The following HACD2 variants were observed in gnomAD, a reference collection of about 807,000 sequenced individuals.
HACD2 encodes very-long-chain (3R)-3-hydroxyacyl-CoA dehydratase 2.
A neutral mutation model predicts 31.0 loss-of-function variants in HACD2; 15 were observed. The observed-to-expected ratio is 0.48, with a 90% CI of 0.32 to 0.75. HACD2 has a LOEUF of 0.75. Among genes scored for constraint, HACD2 ranks in the 30% least tolerant of loss-of-function variants. HACD2 has a pLI of 0.03. For missense variants in HACD2, 283 were observed against 313.0 expected (o/e 0.90, Z 0.72); for synonymous variants, 115 against 122.2 (o/e 0.94, Z 0.39).
intron 4 of HACD2, among the ~76,000 whole-genome samples, chr3:123,506,388 T>C (rs2055975854): frequency 6.6e-6 from 1 of 152,174 alleles, no homozygotes; most frequent in African/African-American, 2.4e-5. Flanking sequence ...TTAAATTGGA[T>C]GATAACTTAT....
At chr3:123,576,449 T>C (rs1471599210) in intron 2 of HACD2, among the ~76,000 whole-genome samples, 1 of 152,204 alleles carries the variant, frequency 6.6e-6, no homozygotes, top group Non-Finnish European at 1.5e-5. Flanking sequence ...AGAGTTTTCC[T>C]CTGGTTTTCA....
At chr3:123,577,326 T>C (rs6763301) in intron 2 of HACD2, among the ~76,000 whole-genome samples, 37,892 of 152,024 alleles carry the variant, frequency 0.25, 6,382 homozygotes, top group East Asian at 0.6. Context: ...TCATGAGTAT[T>C]TGAAAGTGTC....
At chr3:123,496,806 T>A (rs961064813) in intron 6 of HACD2, among the ~76,000 whole-genome samples, 7 of 152,206 alleles carry the variant, frequency 4.6e-5, no homozygotes, top group African/African-American at 1.4e-4. Context: ...CTGGTTGCAT[T>A]TGTGTTCACA....
rs369946013 is a variant in HACD2, at chr3:123,521,998, T to C, written c.381+6388A>G. ...AAGACAACAGGAGAAAGATGCAACA[T>C]GGGATGACAGAAGTGAGCCCACTCT... On this transcript the variant is annotated intron_variant, in intron 4 of 6. Coordinates refer to ENST00000383657, the MANE Select transcript of HACD2 (RefSeq NM_198402.5). Among the ~76,000 whole-genome samples, 24 of 152,184 alleles carry C rather than the reference T, an allele frequency of 1.6e-4. No individual in the cohort carries two copies. In the South Asian group the frequency reaches 5.0e-3, roughly 32 times the overall value.
At chr3:123,519,699 C>T (rs1159597222) in intron 4 of HACD2, among the ~76,000 whole-genome samples, 1 of 152,186 alleles carries the variant, frequency 6.6e-6, no homozygotes, top group African/African-American at 2.4e-5. Flanking sequence ...AAAAGCTACA[C>T]TACATAAAGG....
At position 123,494,796 on chromosome 3, in the gene HACD2, T is replaced by C; in HGVS notation, c.*92A>G. The C allele has an allele frequency of 2.5e-6, 2 of 813,224 alleles. No homozygotes were observed. Among genetic ancestry groups the C allele is most frequent in the Non-Finnish European group, 4.0e-6 (2 of 494,970 alleles). 50.4% of individuals were successfully genotyped at this position (813,224 alleles called of 1,614,324 possible). On this transcript the variant is annotated 3_prime_UTR_variant, in exon 7 of 7. Transcript: ENST00000383657. ...ATATTTTAAAAATAGTTCTTACTTA[T>C]TTTCTATGAAACGTATTGGGAACTC...
chr3:123,552,731 T>C (rs750559716), intron 3 of HACD2, among the ~76,000 whole-genome samples: 164 of 151,444 alleles, frequency 1.1e-3, no homozygotes, highest in Non-Finnish European at 1.5e-3. Context: ...AAACTGAAAA[T>C]AGAAATGGAC....
intron 3 of HACD2, among the ~76,000 whole-genome samples, chr3:123,566,523 A>T (rs529383433): frequency 6.6e-6 from 1 of 151,628 alleles, no homozygotes; most frequent in Non-Finnish European, 1.5e-5. Context: ...GCCTCAAGTG[A>T]TCCTCCTGCC....
At chr3:123,498,012 T>C (rs954053099) in intron 6 of HACD2, among the ~76,000 whole-genome samples, 1 of 152,162 alleles carries the variant, frequency 6.6e-6, no homozygotes, top group African/African-American at 2.4e-5. Flanking sequence ...ATACAAAGCT[T>C]TGGAAAGTTG....
At chr3:123,515,194 A>G (rs1189572367) in intron 4 of HACD2, among the ~76,000 whole-genome samples, 1 of 152,034 alleles carries the variant, frequency 6.6e-6, no homozygotes, top group Non-Finnish European at 1.5e-5. Context: ...CTCAGCCCTC[A>G]ACTGGGCAAC....
chr3:123,578,471 A>G (rs969056418), intron 2 of HACD2, among the ~76,000 whole-genome samples: 4 of 152,070 alleles, frequency 2.6e-5, no homozygotes, highest in South Asian at 4.1e-4. Context: ...GGGTCTCGCT[A>G]TGTTTCCCAG....
intron 4 of HACD2, among the ~76,000 whole-genome samples, chr3:123,526,891 C>T (rs982284558): frequency 6.6e-6 from 1 of 152,212 alleles, no homozygotes; most frequent in South Asian, 2.1e-4. Context: ...GCATTTTTGA[C>T]GTACCTGTCT....
chr3:123,580,524 C>T (rs906250678), intron 2 of HACD2, among the ~76,000 whole-genome samples: 1 of 151,846 alleles, frequency 6.6e-6, no homozygotes, highest in Non-Finnish European at 1.5e-5. Flanking sequence ...TGGTTCACGC[C>T]TGTAATCTCA....
chr3:123,529,005 CCTT>C (rs931353978), intron 3 of HACD2, among the ~76,000 whole-genome samples: 19 of 43,874 alleles, frequency 4.3e-4, no homozygotes, highest in Admixed American at 1.0e-3. Context: ...ATCTTTAAAA[CCTT>C]TTTTTTTTTT....
intron 3 of HACD2, among the ~76,000 whole-genome samples, chr3:123,539,566 T>A (rs1211028467): frequency 1.3e-5 from 2 of 151,652 alleles, no homozygotes; most frequent in African/African-American, 4.9e-5. Flanking sequence ...TGAGACTCGG[T>A]CTCAAAGAAA....
intron 3 of HACD2, among the ~76,000 whole-genome samples, chr3:123,545,500 A>AATAAATAAATAT (rs1480800920): frequency 6.9e-6 from 1 of 145,048 alleles, no homozygotes; most frequent in East Asian, 2.0e-4. Context: ...TAAATAAATA[A>AATAAATAAATAT]ATAAATAAAT....
chr3:123,537,009 A>G (rs1033043935), intron 3 of HACD2, among the ~76,000 whole-genome samples: 1 of 152,218 alleles, frequency 6.6e-6, no homozygotes, highest in African/African-American at 2.4e-5. Context: ...GTCATAATAA[A>G]AATGCCCATG....
At chr3:123,581,941 A>G (rs558794448) in intron 2 of HACD2, among the ~76,000 whole-genome samples, 6 of 152,316 alleles carry the variant, frequency 3.9e-5, no homozygotes, top group Admixed American at 3.9e-4. Context: ...GGATGTCCCT[A>G]GAATTTTTAA....
intron 4 of HACD2, among the ~76,000 whole-genome samples, chr3:123,518,338 C>G (rs55756267): frequency 0.14 from 20,664 of 152,152 alleles, 1,947 homozygotes; most frequent in African/African-American, 0.26. Context: ...TCTAGCTGAG[C>G]TGCACACTGA....
Sources: gnomAD v4.1 joint callset for allele counts (sites outside exome capture counted in the v4.1 genomes callset) on GRCh38, gnomAD v4.1.1 for gene constraint, MANE v1.5 for transcripts, NCBI Gene and HGNC (gene_info 2026-07-23, HGNC 2026-07-21) for gene names.